MON2: variants seen among roughly 807,000 people sequenced by gnomAD.
MON2 encodes the protein protein MON2 homolog.
Under a neutral mutation model 208.6 loss-of-function variants are expected in MON2, and 84 were observed. That is an observed-to-expected ratio of 0.40 (90% CI 0.34 to 0.48). MON2 has a LOEUF of 0.48. Among genes scored for constraint, MON2 ranks in the 20% least tolerant of loss-of-function variants. The probability of loss-of-function intolerance (pLI) is 0.59; values close to 1 mark genes in which losing one functional copy is unlikely to be tolerated. For missense variants in MON2, 1,611 were observed against 2,015.4 expected (o/e 0.80, Z 3.84); for synonymous variants, 660 against 694.0 (o/e 0.95, Z 0.77).
chr12:62,534,549 A>ATATATATATTT (rs2072860367), intron 12 of MON2, among the ~76,000 whole-genome samples: 3 of 76,118 alleles, frequency 3.9e-5, no homozygotes, highest in East Asian at 2.8e-4. Flanking sequence ...AAAAATATAT[A>ATATATATATTT]TATATATATA....
chr12:62,508,022 T>C (rs565134276), intron 7 of MON2, among the ~76,000 whole-genome samples: 28 of 152,238 alleles, frequency 1.8e-4, no homozygotes, highest in African/African-American at 5.5e-4. Flanking sequence ...CCTCCCACCT[T>C]GGGCTCCCAA....
intron 2 of MON2, among the ~76,000 whole-genome samples, chr12:62,491,358 T>G (rs899287226): frequency 6.6e-6 from 1 of 152,184 alleles, no homozygotes; most frequent in African/African-American, 2.4e-5. Flanking sequence ...TTCTAAGTGA[T>G]TAGAAAGCAT....
At chr12:62,561,427 G>A (rs887372818) in intron 26 of MON2, among the ~76,000 whole-genome samples, 2 of 151,988 alleles carry the variant, frequency 1.3e-5, no homozygotes, top group Non-Finnish European at 2.9e-5. Flanking sequence ...AAAAGTTTTA[G>A]TAAAGTACTT....
intron 8 of MON2, among the ~76,000 whole-genome samples, chr12:62,524,029 C>T (rs2072206870): frequency 1.3e-5 from 2 of 152,076 alleles, no homozygotes. Context: ...ATATACTTTA[C>T]ATCTGTCAAC....
At chr12:62,583,273 A>C (rs1469541833) in intron 32 of MON2, among the ~76,000 whole-genome samples, 1 of 152,086 alleles carries the variant, frequency 6.6e-6, no homozygotes, top group East Asian at 1.9e-4. Flanking sequence ...ACAAGGCTGC[A>C]ATGAGCTGTG....
At chr12:62,588,445 G>A (rs2075291082) in intron 34 of MON2, among the ~76,000 whole-genome samples, 1 of 151,040 alleles carries the variant, frequency 6.6e-6, no homozygotes, top group South Asian at 2.1e-4. Context: ...TATTTTTAAT[G>A]TAGAAGATAA....
chr12:62,482,073 T>G (rs2069477969), intron 1 of MON2, among the ~76,000 whole-genome samples: 1 of 152,244 alleles, frequency 6.6e-6, no homozygotes, highest in East Asian at 1.9e-4. Flanking sequence ...AACTAGATAC[T>G]GCTTTCACTA....
chr12:62,537,853 A>G, intron 16 of MON2, 147 bp downstream of exon 16: 1 of 712,434 alleles, frequency 1.4e-6, no homozygotes. Flanking sequence ...AGGGAAAAAG[A>G]TGTGACTCAT....
rs2075491313 is a variant in MON2, at chr12:62,594,860, T to C, written c.*2111T>C. On this transcript the variant is annotated 3_prime_UTR_variant, in exon 35 of 35. Transcript: ENST00000393630. ...AGCAAGTGGGTGGCCCCCTTGGTAG[T>C]ATAATTGGACAGGATTTTCCTCCAG... 1 of 152,172 alleles carries C rather than the reference T, an allele frequency of 6.6e-6. No homozygotes were observed. Among genetic ancestry groups the C allele is most frequent in the Non-Finnish European group, 1.5e-5 (1 of 68,030 alleles). The allele number at this position is 152,172 out of a possible 1,614,324, so 9.4% of individuals were successfully genotyped here. A position where few individuals can be genotyped will look rare whatever the true frequency, so the allele number is the denominator to read the frequency against.
intron 1 of MON2, 149 bp from the exon 2 acceptor site, chr12:62,484,021 C>T (rs1006732879): frequency 6.5e-6 from 4 of 615,746 alleles, no homozygotes; most frequent in Non-Finnish European, 1.2e-5. Context: ...CACTACTGGG[C>T]TTAGTATCTG....
At chr12:62,585,561 G>A in intron 33 of MON2, 60 bp downstream of exon 33, 1 of 1,330,088 alleles carries the variant, frequency 7.5e-7, no homozygotes, top group South Asian at 1.5e-5. Context: ...TTGATAACAA[G>A]GAAAACTCTG....
At chr12:62,500,209 A>G (rs939084609) in intron 5 of MON2, among the ~76,000 whole-genome samples, 7 of 152,060 alleles carry the variant, frequency 4.6e-5, no homozygotes, top group Admixed American at 2.6e-4. Flanking sequence ...TTTTCTTTTC[A>G]GGTAGTCGTT....
At position 62,560,477 on chromosome 12, in the gene MON2, TC is replaced by T. The variant is rs1368137419; in HGVS notation, c.3410-13del. The T allele has an allele frequency of 6.4e-7, 1 of 1,565,820 alleles. No individual in the cohort carries two copies. The highest frequency in any genetic ancestry group is 8.6e-7 in the Non-Finnish European group (1 of 1,162,316). On this transcript the variant is annotated splice_polypyrimidine_tract_variant and intron_variant, in intron 25 of 34. Coordinates refer to ENST00000393630, the MANE Select transcript of MON2 (RefSeq NM_015026.3). ...CTTTTATGATAATAGTTTTTTTTTC[TC>T]TTCCTAATATAGGAGATTTTTCAAG...
chr12:62,490,686 GAATA>G (rs2070077224), intron 2 of MON2, among the ~76,000 whole-genome samples: 1 of 152,030 alleles, frequency 6.6e-6, no homozygotes, highest in Admixed American at 6.5e-5. Context: ...AGAAGACTTA[GAATA>G]GATAAATAGG....
intron 22 of MON2, among the ~76,000 whole-genome samples, chr12:62,548,286 T>C (rs1439071047): frequency 6.6e-6 from 1 of 152,096 alleles, no homozygotes; most frequent in African/African-American, 2.4e-5. Flanking sequence ...TAGGGGAAAA[T>C]AGCAATCAGG....
rs1178767011 is a variant in MON2 at position 62,535,663 on chromosome 12, T to C, written c.1854T>C (p.Ala618=). 3.7e-6 allele frequency: 6 copies of C among 1,613,272 alleles called. No homozygotes were observed. The highest frequency in any genetic ancestry group is 3.4e-6 in the Non-Finnish European group (4 of 1,179,694). ...AAGGTTCCCTGCCTCCCCATTATGC[T>C]CTTACTGTATTGAATACCACCACTG... ...ICKGSLPPHY[A]LTVLNTTTAA... Residue 618 remains alanine, a synonymous_variant, in exon 14 of 35, where the codon GCT becomes GCC. Transcript: ENST00000393630.
Position 62,598,294 on chromosome 12 carries a change from T to C in MON2, c.*5545T>C. The C allele has an allele frequency of 6.6e-6, 1 of 152,198 alleles. No homozygotes were observed. The highest frequency in any genetic ancestry group is 1.5e-5 in the Non-Finnish European group (1 of 68,038). 9.4% of individuals were successfully genotyped at this position (152,198 alleles called of 1,614,324 possible). On this transcript the variant is annotated 3_prime_UTR_variant, in exon 35 of 35. Transcript: ENST00000393630. ...TCAGACCATTTTCAGTTGCTGCGAA[T>C]GTAGTTACACTAAGTTTTATTTTAA...
intron 1 of MON2, among the ~76,000 whole-genome samples, chr12:62,480,451 G>A (rs1445999888): frequency 1.3e-5 from 2 of 152,058 alleles, no homozygotes; most frequent in African/African-American, 4.8e-5. Flanking sequence ...TGTGGTCCCA[G>A]GCTACTCAGG....
In MON2 at chr12:62,508,396, A is replaced by G; in HGVS notation, c.900A>G (p.Ala300=). The part of the protein sequence containing the change: ...RQGSSTSSSP[A]PVEKPYFPIC... ...GTTCCAGCACCTCATCTTCTCCAGC[A>G]CCAGTTGAAAAACCATATTTTCCTA... is the stretch of plus-strand genomic sequence containing the variant. Residue 300 remains alanine, a synonymous_variant, in exon 8 of 35, where the codon GCA becomes GCG. Transcript: ENST00000393630. The G allele has an allele frequency of 1.2e-6, 2 of 1,614,066 alleles. No individual in the cohort carries two copies. The highest frequency in any genetic ancestry group is 1.7e-6 in the Non-Finnish European group (2 of 1,179,958).
Sources: gnomAD v4.1 joint callset for allele counts (sites outside exome capture counted in the v4.1 genomes callset) on GRCh38, gnomAD v4.1.1 for gene constraint, MANE v1.5 for transcripts, NCBI Gene and HGNC (gene_info 2026-07-23, HGNC 2026-07-21) for gene names.